The following LARGE1 variants were observed in gnomAD, a reference collection of about 807,000 sequenced individuals.
LARGE1 encodes the protein xylosyl- and glucuronyltransferase LARGE1.
Under a neutral mutation model 87.6 loss-of-function variants are expected in LARGE1, and 43 were observed. That is an observed-to-expected ratio of 0.49 (90% CI 0.38 to 0.63). The LOEUF (loss-of-function observed/expected upper bound fraction) is 0.63, where lower values mean the gene tolerates loss of function less well. Among genes scored for constraint, LARGE1 ranks in the 30% least tolerant of loss-of-function variants. The pLI, the probability that LARGE1 is intolerant of heterozygous loss-of-function variation, is 0.00. For missense variants in LARGE1, 802 were observed against 1,000.2 expected, an observed-to-expected ratio of 0.80 and a Z score of 2.67; for synonymous variants, 434 against 394.6, an observed-to-expected ratio of 1.10 and a Z score of -1.18.
At chr22:33,869,616 C>T (rs1011605955) in intron 1 of LARGE1, among the ~76,000 whole-genome samples, 4 of 152,150 alleles carry the variant, frequency 2.6e-5, no homozygotes, top group African/African-American at 7.2e-5. Context: ...GGGTAGCAAC[C>T]GTGGGAAGCA....
intron 1 of LARGE1, among the ~76,000 whole-genome samples, chr22:33,808,485 T>C (rs996417256): frequency 2.0e-5 from 3 of 152,142 alleles, no homozygotes; most frequent in African/African-American, 7.2e-5. Context: ...TTGGCACAAA[T>C]AGGTTGGGGG....
At chr22:33,684,865 C>G (rs1379164149) in intron 2 of LARGE1, among the ~76,000 whole-genome samples, 1 of 152,226 alleles carries the variant, frequency 6.6e-6, no homozygotes, top group Non-Finnish European at 1.5e-5. Context: ...CTTCTTCCCC[C>G]ACTTTTTCAA....
At chr22:33,402,615 C>T (rs2065961812) in intron 7 of LARGE1, among the ~76,000 whole-genome samples, 1 of 152,190 alleles carries the variant, frequency 6.6e-6, no homozygotes, top group Non-Finnish European at 1.5e-5. Context: ...AATGGATATT[C>T]ATCATAACTT....
chr22:33,411,170 G>A (rs1050915159), intron 7 of LARGE1, among the ~76,000 whole-genome samples: 3 of 152,180 alleles, frequency 2.0e-5, no homozygotes, highest in Non-Finnish European at 4.4e-5. Flanking sequence ...GTATGGGTCA[G>A]CAGAGTAGGG....
the LARGE1 span, among the ~76,000 whole-genome samples, chr22:33,088,952 T>C: frequency 6.6e-6 from 1 of 152,194 alleles, no homozygotes; most frequent in Non-Finnish European, 1.5e-5. Context: ...CAGTTCTCAA[T>C]AAATGGTTAG....
intron 11 of LARGE1, among the ~76,000 whole-genome samples, chr22:33,189,040 C>T (rs549236215): frequency 0.03 from 4,584 of 152,176 alleles, 94 homozygotes; most frequent in Admixed American, 0.056. Flanking sequence ...GTTATGATCC[C>T]TGGGCAGAGC....
intron 11 of LARGE1, among the ~76,000 whole-genome samples, chr22:33,239,847 C>A (rs536591644): frequency 6.6e-6 from 1 of 152,172 alleles, no homozygotes; most frequent in Admixed American, 6.5e-5. Context: ...GCACCCCTTA[C>A]TATTATATGC....
At chr22:33,124,080 A>G in the LARGE1 span, among the ~76,000 whole-genome samples, 1 of 152,122 alleles carries the variant, frequency 6.6e-6, no homozygotes, top group Non-Finnish European at 1.5e-5. Flanking sequence ...TGAGGTCAGG[A>G]GCTCTAGACT....
At chr22:33,245,105 T>A (rs776085088) in intron 11 of LARGE1, among the ~76,000 whole-genome samples, 1 of 152,244 alleles carries the variant, frequency 6.6e-6, no homozygotes, top group Non-Finnish European at 1.5e-5. Context: ...GTCAATGCCA[T>A]CTTTTCTCAT....
chr22:33,201,411 AGAAG>A (rs373979045), intron 11 of LARGE1, among the ~76,000 whole-genome samples: 21 of 142,114 alleles, frequency 1.5e-4, no homozygotes, highest in African/African-American at 2.4e-4. Context: ...AGGAAGAAAA[AGAAG>A]GAAGGAAGGA....
intron 11 of LARGE1, among the ~76,000 whole-genome samples, chr22:33,259,706 A>G (rs987316646): frequency 6.6e-6 from 1 of 152,178 alleles, no homozygotes. Flanking sequence ...GCTTCTCCAA[A>G]TGATGACAAT....
intron 10 of LARGE1, among the ~76,000 whole-genome samples, chr22:33,328,607 T>A (rs947104176): frequency 4.3e-5 from 6 of 139,644 alleles, no homozygotes; most frequent in East Asian, 2.0e-4. Flanking sequence ...ATAATAATAA[T>A]AAAATAAAAC....
chr22:33,326,817 A>G (rs1937283813), intron 10 of LARGE1, among the ~76,000 whole-genome samples: 1 of 152,196 alleles, frequency 6.6e-6, no homozygotes, highest in African/African-American at 2.4e-5. Context: ...GGCTCTGTGT[A>G]AGTTGCAGCT....
chr22:33,364,066 T>G (rs1322974785), intron 9 of LARGE1, among the ~76,000 whole-genome samples: 8 of 149,778 alleles, frequency 5.3e-5, no homozygotes, highest in African/African-American at 2.0e-4. Context: ...TATATTTTTT[T>G]TTTTTTGAGA....
rs2082410763 is a variant in LARGE1, at chr22:33,701,772, T to C, written c.107-51104A>G. Among the ~76,000 whole-genome samples, 3 of 152,180 alleles carry C rather than the reference T, an allele frequency of 2.0e-5. No individual in the cohort carries two copies. In the South Asian group the frequency reaches 6.2e-4, roughly 32 times the overall value. On this transcript the variant is annotated intron_variant, in intron 2 of 14. Coordinates refer to ENST00000397394, the MANE Select transcript of LARGE1 (RefSeq NM_133642.5). ...TATCTGGCTGCTTTGCTCTCCTGAA[T>C]GTAAGCAGAAGTCTGTTCCTAAGCA...
chr22:33,133,576 T>A, the LARGE1 span, among the ~76,000 whole-genome samples: 1 of 152,360 alleles, frequency 6.6e-6, no homozygotes, highest in East Asian at 1.9e-4. Context: ...ATCCAGTCTA[T>A]CATTGATGGG....
intron 1 of LARGE1, among the ~76,000 whole-genome samples, chr22:33,821,579 G>A (rs548189067): frequency 2.6e-5 from 4 of 152,298 alleles, no homozygotes; most frequent in South Asian, 4.1e-4. Flanking sequence ...ACCAGCCTGC[G>A]TAAAGAGCGT....
At chr22:33,888,958 GCTTA>G (rs2064933681) in intron 1 of LARGE1, among the ~76,000 whole-genome samples, 2 of 152,150 alleles carry the variant, frequency 1.3e-5, no homozygotes, top group African/African-American at 4.8e-5. Flanking sequence ...TTTTTGAGTA[GCTTA>G]CTTAAAGTCA....
intron 4 of LARGE1, among the ~76,000 whole-genome samples, chr22:33,608,750 T>A (rs1364649853): frequency 4.6e-5 from 7 of 152,224 alleles, no homozygotes; most frequent in Non-Finnish European, 8.8e-5. Flanking sequence ...GAGTTTGGAC[T>A]ATGTTCCAGA....
Sources: gnomAD v4.1 joint callset for allele counts (sites outside exome capture counted in the v4.1 genomes callset) on GRCh38, gnomAD v4.1.1 for gene constraint, MANE v1.5 for transcripts, NCBI Gene and HGNC (gene_info 2026-07-23, HGNC 2026-07-21) for gene names.